MAP7: variants seen among roughly 807,000 people sequenced by gnomAD.
MAP7 encodes ensconsin.
In MAP7, 52 loss-of-function variants were observed where a neutral mutation model predicts 94.8. The ratio of observed to expected loss-of-function variants is 0.55; its 90% CI spans 0.44 to 0.69. The LOEUF is 0.69. MAP7 is among the 30% of genes least tolerant of loss of function. MAP7 has a pLI of 0.00. For synonymous variants in MAP7, 350 were observed against 357.0 expected (o/e 0.98, Z 0.22); for missense variants, 940 against 964.6 (o/e 0.97, Z 0.34).
rs369134445 is a variant in MAP7 at position 136,473,519 on chromosome 6, A to G, written c.68-51720T>C. Among the ~76,000 whole-genome samples, 197 of 152,328 alleles carry G rather than the reference A, an allele frequency of 1.3e-3. 4 individuals carry two copies. In the South Asian group the frequency reaches 0.039, roughly 30 times the overall value. Reference sequence around the variant, plus strand: ...GATCTTCCATGTAACACTATTTTAGAATCTGTTTGACATCTGACATCTTCC... The same window carrying G: ...GATCTTCCATGTAACACTATTTTAGGATCTGTTTGACATCTGACATCTTCC... On this transcript the variant is annotated intron_variant, in intron 1 of 17. Coordinates refer to ENST00000354570, the MANE Select transcript of MAP7 (RefSeq NM_003980.6).
intron 1 of MAP7, among the ~76,000 whole-genome samples, chr6:136,488,956 A>G (rs1188691948): frequency 6.6e-6 from 1 of 152,050 alleles, no homozygotes; most frequent in Non-Finnish European, 1.5e-5. Context: ...TTTTAGGGAC[A>G]GTGGTTTTAC....
chr6:136,376,985 G>A (rs1356619004), intron 7 of MAP7, among the ~76,000 whole-genome samples: 4 of 152,270 alleles, frequency 2.6e-5, no homozygotes, highest in Admixed American at 2.6e-4. Context: ...AGATATTTGG[G>A]AAAACCTAAA....
chr6:136,540,223 G>A (rs1045807497), intron 1 of MAP7, among the ~76,000 whole-genome samples: 5 of 152,292 alleles, frequency 3.3e-5, no homozygotes, highest in South Asian at 2.1e-4. Flanking sequence ...GGAAAAGGTC[G>A]TACTTGGGTC....
intron 2 of MAP7, among the ~76,000 whole-genome samples, chr6:136,417,093 T>G (rs1334262987): frequency 6.6e-6 from 1 of 152,222 alleles, no homozygotes; most frequent in Non-Finnish European, 1.5e-5. Flanking sequence ...CACTCCAGCC[T>G]GGGCGACGGA....
At chr6:136,354,868 G>A (rs1790424707) in intron 16 of MAP7, among the ~76,000 whole-genome samples, 1 of 152,138 alleles carries the variant, frequency 6.6e-6, no homozygotes, top group African/African-American at 2.4e-5. Flanking sequence ...TATTACTACT[G>A]AAGAGAGTCA....
intron 1 of MAP7, among the ~76,000 whole-genome samples, chr6:136,485,555 A>ATTTGT (rs1814386774): frequency 1.0e-5 from 1 of 98,158 alleles, no homozygotes; most frequent in East Asian, 3.3e-4. Context: ...TCCACTTCAG[A>ATTTGT]TTTTTTTTTT....
chr6:136,410,020 ATAAG>A (rs1259798154), intron 3 of MAP7, among the ~76,000 whole-genome samples: 4 of 152,230 alleles, frequency 2.6e-5, no homozygotes, highest in Non-Finnish European at 5.9e-5. Context: ...CCTTTATAGT[ATAAG>A]TAAAGTCATT....
At chr6:136,406,585 T>G (rs1477921955) in intron 3 of MAP7, among the ~76,000 whole-genome samples, 1 of 151,762 alleles carries the variant, frequency 6.6e-6, no homozygotes, top group East Asian at 1.9e-4. Context: ...CTTTGGGAGG[T>G]CAAGGCGGGC....
At chr6:136,418,103 T>C (rs1269627479) in intron 2 of MAP7, among the ~76,000 whole-genome samples, 3 of 152,206 alleles carry the variant, frequency 2.0e-5, no homozygotes, top group Non-Finnish European at 4.4e-5. Context: ...TCTGTTTTGG[T>C]CTGGGTTCAA....
chr6:136,465,304 A>G (rs1582994652), intron 1 of MAP7, among the ~76,000 whole-genome samples: 1 of 152,252 alleles, frequency 6.6e-6, no homozygotes, highest in Admixed American at 6.5e-5. Flanking sequence ...TCTCCCTTCA[A>G]TTTTAAATTT....
intron 1 of MAP7, among the ~76,000 whole-genome samples, chr6:136,456,831 AGAAGAAGAAGAAGAAGAG>A (rs1562422496): frequency 1.6e-3 from 195 of 121,162 alleles, no homozygotes; most frequent in Non-Finnish European, 2.8e-3. Context: ...AGGAAGAAGA[AGAAGAAGAAGAAGAAGAG>A]GAAGAAGAAG....
At chr6:136,383,621 A>C in intron 6 of MAP7, 50 bp downstream of exon 6, 1 of 1,003,322 alleles carries the variant, frequency 1.0e-6, no homozygotes, top group South Asian at 1.7e-5. Context: ...TCCAGAAAAA[A>C]AAGCATTAAG....
intron 1 of MAP7, among the ~76,000 whole-genome samples, chr6:136,538,403 T>TA (rs961982952): frequency 1.1e-4 from 16 of 152,206 alleles, no homozygotes; most frequent in Non-Finnish European, 2.2e-4. Flanking sequence ...GTGCCTTGTT[T>TA]AAAGTCACAA....
At chr6:136,347,169 T>G (rs985857561) in intron 16 of MAP7, among the ~76,000 whole-genome samples, 6 of 152,206 alleles carry the variant, frequency 3.9e-5, no homozygotes, top group African/African-American at 1.2e-4. Flanking sequence ...ATCAAATGAG[T>G]GCTAAACTAA....
intron 1 of MAP7, among the ~76,000 whole-genome samples, chr6:136,442,887 C>T (rs1434525796): frequency 6.6e-6 from 1 of 152,074 alleles, no homozygotes; most frequent in Non-Finnish European, 1.5e-5. Context: ...GCTTTGGATT[C>T]CTCTAGCACC....
chr6:136,467,149 C>T (rs778862405), intron 1 of MAP7, among the ~76,000 whole-genome samples: 1 of 152,126 alleles, frequency 6.6e-6, no homozygotes, highest in Non-Finnish European at 1.5e-5. Context: ...AACTCAGAGG[C>T]CCCAAACAGA....
chr6:136,465,074 G>C (rs1424486759), intron 1 of MAP7, among the ~76,000 whole-genome samples: 1 of 152,192 alleles, frequency 6.6e-6, no homozygotes, highest in African/African-American at 2.4e-5. Flanking sequence ...TGAGCAGCAG[G>C]GCTGCCGTAT....
At chr6:136,441,968 G>A (rs1446219842) in intron 1 of MAP7, among the ~76,000 whole-genome samples, 1 of 151,966 alleles carries the variant, frequency 6.6e-6, no homozygotes, top group Non-Finnish European at 1.5e-5. Flanking sequence ...AGCTGTGATG[G>A]TGCCACTGCA....
chr6:136,527,103 G>T (rs954662192), intron 1 of MAP7, among the ~76,000 whole-genome samples: 1 of 152,142 alleles, frequency 6.6e-6, no homozygotes, highest in Middle Eastern at 3.4e-3. Context: ...AATCCCTACC[G>T]CTCTGGGCAG....
Sources: gnomAD v4.1 joint callset for allele counts (sites outside exome capture counted in the v4.1 genomes callset) on GRCh38, gnomAD v4.1.1 for gene constraint, MANE v1.5 for transcripts, NCBI Gene and HGNC (gene_info 2026-07-23, HGNC 2026-07-21) for gene names.